OXR1: variants seen among roughly 807,000 people sequenced by gnomAD.
OXR1 encodes the protein oxidation resistance 1.
OXR1 carries 41 observed loss-of-function variants against 104.6 expected under a neutral mutation model. That is an observed-to-expected ratio of 0.39 (90% CI 0.31 to 0.51). The LOEUF (loss-of-function observed/expected upper bound fraction) is 0.51. Among genes scored for constraint, OXR1 ranks in the 20% least tolerant of loss-of-function variants. OXR1 has a pLI of 0.77. For synonymous variants in OXR1, 348 were observed against 348.4 expected (o/e 1.00, Z 0.01); for missense variants, 955 against 1,031.9 (o/e 0.93, Z 1.02).
intron 2 of OXR1, among the ~76,000 whole-genome samples, chr8:106,502,282 G>T (rs1484784533): frequency 6.6e-6 from 1 of 152,048 alleles, no homozygotes; most frequent in African/African-American, 2.4e-5. Flanking sequence ...GTTTTCTTTT[G>T]TACCAGGCAC....
intron 3 of OXR1, among the ~76,000 whole-genome samples, chr8:106,642,016 C>T (rs1823691854): frequency 6.6e-6 from 1 of 152,034 alleles, no homozygotes. Flanking sequence ...AAGAGATCCT[C>T]CCAGCTCAGT....
intron 11 of OXR1, chr8:106,726,123 CA>C: frequency 1.4e-6 from 2 of 1,405,286 alleles, no homozygotes; most frequent in African/African-American, 1.5e-5. Context: ...TTGTCTCTAG[CA>C]AACTGTTTTG....
At chr8:106,577,653 G>C (rs781343158) in intron 3 of OXR1, among the ~76,000 whole-genome samples, 22 of 152,062 alleles carry the variant, frequency 1.4e-4, no homozygotes, top group Non-Finnish European at 3.1e-4. Flanking sequence ...GCTTCCCAAA[G>C]TGCTGGGATT....
intron 2 of OXR1, among the ~76,000 whole-genome samples, chr8:106,474,420 A>G (rs914229916): frequency 6.6e-6 from 1 of 151,920 alleles, no homozygotes; most frequent in Non-Finnish European, 1.5e-5. Flanking sequence ...AAACTCCAAT[A>G]ATCTCAAGAA....
At chr8:106,706,304 A>T in intron 8 of OXR1, 78 bp from the exon 9 acceptor site, 1 of 961,422 alleles carries the variant, frequency 1.0e-6, no homozygotes, top group Non-Finnish European at 1.5e-6. Context: ...TAGTGATACT[A>T]ATTCTGTGTT....
At chr8:106,402,237 G>A (rs1818031029) in intron 2 of OXR1, among the ~76,000 whole-genome samples, 2 of 152,136 alleles carry the variant, frequency 1.3e-5, no homozygotes, top group Admixed American at 1.3e-4. Context: ...GTAATATGAT[G>A]GAAATCACCA....
chr8:106,740,372 T>C lies in OXR1; in HGVS notation c.2193T>C (p.Ile731=), dbSNP rs768925425. 6.2e-7 allele frequency: 1 copy of C among 1,612,172 alleles called. No individual in the cohort carries two copies. The highest frequency in any genetic ancestry group is 8.5e-7 in the Non-Finnish European group (1 of 1,179,086). ...CCAAGCATCTTCCACCAAGAACAAT[T>C]GGCTATCCATGGACTCTTGTTTATG... ...KLTKHLPPRT[I]GYPWTLVYGT... Residue 731 remains isoleucine (I), a synonymous_variant, in exon 14 of 17, where the codon ATT becomes ATC. Coordinates refer to ENST00000517566, the MANE Select transcript of OXR1 (RefSeq NM_001198533.2).
intron 1 of OXR1, among the ~76,000 whole-genome samples, chr8:106,331,215 A>G (rs990951263): frequency 1.1e-4 from 17 of 152,198 alleles, no homozygotes; most frequent in Admixed American, 5.2e-4. Flanking sequence ...GTAAACAAAC[A>G]TCTCATCCAG....
At chr8:106,299,682 T>C (rs16874318) in intron 1 of OXR1, among the ~76,000 whole-genome samples, 33,426 of 152,110 alleles carry the variant, frequency 0.22, 5,444 homozygotes, top group African/African-American at 0.46. Flanking sequence ...TATTATAAAG[T>C]TCACTCCCAA....
chr8:106,467,158 C>T (rs1821216549), intron 2 of OXR1, among the ~76,000 whole-genome samples: 1 of 151,876 alleles, frequency 6.6e-6, no homozygotes, highest in Non-Finnish European at 1.5e-5. Flanking sequence ...GATGAGATGA[C>T]CAAGACGTCT....
chr8:106,470,296 A>T (rs994480474), intron 2 of OXR1, among the ~76,000 whole-genome samples: 1 of 151,852 alleles, frequency 6.6e-6, no homozygotes, highest in African/African-American at 2.4e-5. Flanking sequence ...AAACCAGAAG[A>T]TGCACTACCA....
chr8:106,649,258 T>C (rs1164297185), intron 3 of OXR1, among the ~76,000 whole-genome samples: 1 of 151,762 alleles, frequency 6.6e-6, no homozygotes, highest in African/African-American at 2.4e-5. Flanking sequence ...TATGTTCCCA[T>C]TTGTGTGGGT....
At chr8:106,537,241 CAA>C (rs990098425) in intron 3 of OXR1, among the ~76,000 whole-genome samples, 1 of 152,082 alleles carries the variant, frequency 6.6e-6, no homozygotes, top group Non-Finnish European at 1.5e-5. Context: ...CAAAGGGACA[CAA>C]TATTCAATCC....
chr8:106,386,134 G>C (rs1405619211), intron 2 of OXR1, among the ~76,000 whole-genome samples: 2 of 152,262 alleles, frequency 1.3e-5, no homozygotes, highest in East Asian at 3.9e-4. Flanking sequence ...GGAAGCTTCT[G>C]TAACTGTCTA....
chr8:106,358,307 T>A (rs1294812601), intron 1 of OXR1, among the ~76,000 whole-genome samples: 2 of 152,212 alleles, frequency 1.3e-5, no homozygotes, highest in African/African-American at 4.8e-5. Context: ...TAAACTTTTT[T>A]TAAGCCACTT....
At chr8:106,429,613 T>G (rs1819276277) in intron 2 of OXR1, among the ~76,000 whole-genome samples, 2 of 147,896 alleles carry the variant, frequency 1.4e-5, no homozygotes, top group South Asian at 2.1e-4. Context: ...TGAGCCGAGA[T>G]CTCGCCACTG....
intron 2 of OXR1, among the ~76,000 whole-genome samples, chr8:106,400,170 A>T (rs939060936): frequency 1.3e-5 from 2 of 152,114 alleles, no homozygotes; most frequent in Non-Finnish European, 2.9e-5. Context: ...TAGCAGTTGC[A>T]TGTGTTGCAC....
At chr8:106,551,959 G>A (rs1379426197) in intron 3 of OXR1, among the ~76,000 whole-genome samples, 1 of 150,026 alleles carries the variant, frequency 6.7e-6, no homozygotes, top group Non-Finnish European at 1.5e-5. Context: ...TACATGGGAG[G>A]CTGAGGCAGG....
intron 2 of OXR1, among the ~76,000 whole-genome samples, chr8:106,488,774 T>C (rs1176466212): frequency 6.8e-6 from 1 of 147,988 alleles, no homozygotes; most frequent in African/African-American, 2.5e-5. Context: ...TTCTGTTCCA[T>C]TGATCTATAT....
Sources: gnomAD v4.1 joint callset for allele counts (sites outside exome capture counted in the v4.1 genomes callset) on GRCh38, gnomAD v4.1.1 for gene constraint, MANE v1.5 for transcripts, NCBI Gene and HGNC (gene_info 2026-07-23, HGNC 2026-07-21) for gene names.